The following PTPRG variants were observed in gnomAD, a reference collection of about 807,000 sequenced individuals.
PTPRG encodes protein tyrosine phosphatase receptor type G.
PTPRG carries 102 observed loss-of-function variants against 165.3 expected under a neutral mutation model. The ratio of observed to expected loss-of-function variants is 0.62; its 90% CI spans 0.53 to 0.73. The LOEUF (loss-of-function observed/expected upper bound fraction) is 0.73, where lower values mean the gene tolerates loss of function less well. PTPRG is among the 30% of genes least tolerant of loss of function. The probability of loss-of-function intolerance (pLI) is 0.00; values close to 1 mark genes in which losing one functional copy is unlikely to be tolerated. For missense variants in PTPRG, 1,866 were observed against 1,861.4 expected (o/e 1.00, Z -0.05); for synonymous variants, 675 against 669.5 (o/e 1.01, Z -0.13).
intron 4 of PTPRG, among the ~76,000 whole-genome samples, chr3:62,005,440 C>T (rs2041272888): frequency 6.6e-6 from 1 of 152,094 alleles, no homozygotes; most frequent in Non-Finnish European, 1.5e-5. Flanking sequence ...GCTTTGTGTC[C>T]AGCAAGCCTT....
At chr3:61,596,882 A>G (rs1700715274) in intron 1 of PTPRG, among the ~76,000 whole-genome samples, 1 of 152,140 alleles carries the variant, frequency 6.6e-6, no homozygotes, top group African/African-American at 2.4e-5. Context: ...AGCTTAACCT[A>G]TATTTTAGTA....
intron 7 of PTPRG, among the ~76,000 whole-genome samples, chr3:62,163,226 C>G (rs1189073747): frequency 1.3e-5 from 2 of 152,098 alleles, no homozygotes; most frequent in East Asian, 1.9e-4. Context: ...GGTGGGGACA[C>G]AGATCCAAAC....
intron 1 of PTPRG, among the ~76,000 whole-genome samples, chr3:61,566,299 C>T (rs1413699303): frequency 6.6e-6 from 1 of 152,222 alleles, no homozygotes; most frequent in Non-Finnish European, 1.5e-5. Flanking sequence ...CCAGCGAATG[C>T]TGATGATTTA....
intron 2 of PTPRG, among the ~76,000 whole-genome samples, chr3:61,822,723 A>G (rs1021681162): frequency 6.6e-6 from 1 of 152,206 alleles, no homozygotes; most frequent in African/African-American, 2.4e-5. Context: ...TTACATGGCC[A>G]TTAATGGGGT....
At chr3:61,811,575 C>G (rs1261322474) in intron 2 of PTPRG, among the ~76,000 whole-genome samples, 1 of 152,114 alleles carries the variant, frequency 6.6e-6, no homozygotes, top group Non-Finnish European at 1.5e-5. Flanking sequence ...TCCATTTGAC[C>G]AAAGCTGAAT....
chr3:61,710,308 T>C (rs1009435284), intron 1 of PTPRG, among the ~76,000 whole-genome samples: 2 of 152,224 alleles, frequency 1.3e-5, no homozygotes, highest in African/African-American at 4.8e-5. Context: ...ATGATGATAA[T>C]TAGCATCAAT....
intron 6 of PTPRG, among the ~76,000 whole-genome samples, chr3:62,141,718 G>A (rs1703935921): frequency 6.6e-6 from 1 of 151,036 alleles, no homozygotes; most frequent in African/African-American, 2.4e-5. Context: ...TGGCTAATGT[G>A]GCAAAACCCT....
At chr3:61,959,979 T>C (rs1156737392) in intron 2 of PTPRG, among the ~76,000 whole-genome samples, 1 of 152,202 alleles carries the variant, frequency 6.6e-6, no homozygotes, top group Non-Finnish European at 1.5e-5. Flanking sequence ...GTTCATGCTG[T>C]TCCATGTGCC....
chr3:61,834,070 A>G (rs2036389241), intron 2 of PTPRG, among the ~76,000 whole-genome samples: 2 of 152,242 alleles, frequency 1.3e-5, no homozygotes, highest in Admixed American at 6.5e-5. Flanking sequence ...GGAAGTAAAC[A>G]TAACGGATTG....
At chr3:62,052,931 C>T (rs1700510048) in intron 4 of PTPRG, among the ~76,000 whole-genome samples, 1 of 152,122 alleles carries the variant, frequency 6.6e-6, no homozygotes, top group South Asian at 2.1e-4. Flanking sequence ...ATGCATATCG[C>T]TTTGTTGATA....
rs926681738 is a variant in PTPRG, at chr3:61,632,705, A to G, written c.85+70333A>G. 3.3e-5 allele frequency among the ~76,000 whole-genome samples: 5 copies of G among 152,238 alleles called. No homozygotes were observed. The East Asian group carries it at 9.6e-4, about 29-fold the overall frequency. On this transcript the variant is annotated intron_variant, in intron 1 of 29. Transcript: ENST00000474889. ...TAGGGCAACATACCAAGGGCCACCC[A>G]GCAAGTGATGATGTAAGCATGTGTT...
At position 61,895,239 on chromosome 3, in the gene PTPRG, G is replaced by A. The variant is rs1337805159; in HGVS notation, c.191-94386G>A. The stretch of plus-strand genomic sequence containing the variant: ...TTACTCTGACTTAGTTGGTCTGGCT[G>A]GGAGCCAAGGGATCTGGAAAGTGAT... On this transcript the variant is annotated intron_variant, in intron 2 of 29. Transcript: ENST00000474889. Among the ~76,000 whole-genome samples the A allele has an allele frequency of 3.9e-5, 6 of 152,320 alleles. No individual in the cohort carries two copies. In the East Asian group the frequency reaches 1.2e-3, roughly 29 times the overall value.
At chr3:61,659,354 G>A (rs7619155) in intron 1 of PTPRG, 819,559 of 984,850 alleles carry the variant, frequency 0.83, 342,550 homozygotes, top group South Asian at 0.9. Context: ...TTCAATTTTC[G>A]GGAGCTCTTG....
At chr3:61,789,468 A>G (rs1409412356) in intron 2 of PTPRG, among the ~76,000 whole-genome samples, 2 of 152,164 alleles carry the variant, frequency 1.3e-5, no homozygotes, top group Admixed American at 6.5e-5. Flanking sequence ...AGAAATTCAT[A>G]CTAGTTGAAT....
intron 1 of PTPRG, among the ~76,000 whole-genome samples, chr3:61,650,879 G>C (rs1702330103): frequency 6.6e-6 from 1 of 152,086 alleles, no homozygotes; most frequent in South Asian, 2.1e-4. Flanking sequence ...TTTACTTTAT[G>C]ATGTAAACTA....
chr3:61,669,677 G>GT (rs908831921), intron 1 of PTPRG, among the ~76,000 whole-genome samples: 1 of 152,156 alleles, frequency 6.6e-6, no homozygotes, highest in Non-Finnish European at 1.5e-5. Flanking sequence ...TGCTGCACAG[G>GT]TTTTTCTTAA....
At position 61,746,368 on chromosome 3, in the gene PTPRG, T is replaced by C. The variant is rs528650109; in HGVS notation, c.86-2510T>C. Among the ~76,000 whole-genome samples, 68 of 151,942 alleles carry C rather than the reference T, an allele frequency of 4.5e-4. No homozygotes were observed. In the South Asian group the frequency reaches 0.013, roughly 28 times the overall value. ...GCTACAGGTGCCGCCACTTCACCCG[T>C]CTAATTTTGTTTTTGTATTTTTAGT... On this transcript the variant is annotated intron_variant, in intron 1 of 29. Transcript: ENST00000474889.
intron 1 of PTPRG, among the ~76,000 whole-genome samples, chr3:61,667,385 C>T (rs571492054): frequency 6.4e-4 from 97 of 152,188 alleles, no homozygotes; most frequent in African/African-American, 2.2e-3. Flanking sequence ...TTTGACATAG[C>T]TATAACAGAA....
intron 1 of PTPRG, among the ~76,000 whole-genome samples, chr3:61,686,985 A>G (rs116243518): frequency 0.026 from 3,902 of 152,294 alleles, 66 homozygotes; most frequent in Non-Finnish European, 0.037. Flanking sequence ...ATATATACAT[A>G]CATTATCAGT....
Sources: gnomAD v4.1 joint callset for allele counts (sites outside exome capture counted in the v4.1 genomes callset) on GRCh38, gnomAD v4.1.1 for gene constraint, MANE v1.5 for transcripts, NCBI Gene and HGNC (gene_info 2026-07-23, HGNC 2026-07-21) for gene names.